Variants in NBEAL1 observed in about 807,000 individuals in gnomAD.
NBEAL1 encodes the protein neurobeachin like 1.
In NBEAL1, 273 loss-of-function variants were observed where a neutral mutation model predicts 351.3. That is an observed-to-expected ratio of 0.78 (90% CI 0.70 to 0.86). The LOEUF (loss-of-function observed/expected upper bound fraction) is 0.86, where lower values mean the gene tolerates loss of function less well. NBEAL1 is among the 40% of genes least tolerant of loss of function. The pLI is 0.00. For missense variants in NBEAL1, 2,961 were observed against 3,201.3 expected, an observed-to-expected ratio of 0.92 and a Z score of 1.81; for synonymous variants, 1,050 against 1,086.4, an observed-to-expected ratio of 0.97 and a Z score of 0.66.
At chr2:203,214,561 G>A (rs1480948198) in intron 55 of NBEAL1, among the ~76,000 whole-genome samples, 1 of 152,144 alleles carries the variant, frequency 6.6e-6, no homozygotes, top group Admixed American at 6.5e-5. Flanking sequence ...GATCACTTGA[G>A]GTCAGGAGTT....
In NBEAL1 at chr2:203,130,413, C is replaced by T; in HGVS notation, c.3501C>T (p.Asp1167=). Residue 1167 remains aspartate (D), a synonymous_variant, in exon 25 of 56, where the codon GAC becomes GAT. Coordinates refer to ENST00000683969, the MANE Select transcript of NBEAL1 (RefSeq NM_001378026.1). ...TGCTTTTTGAACCAGGAAATGCTGA[C>T]ATACTGTACGCATTGCTCTTAAATC... is the stretch of plus-strand genomic sequence containing the variant. ...FLLLFEPGNA[D]ILYALLLNQK... The T allele has an allele frequency of 6.5e-7, 1 of 1,527,982 alleles. No homozygotes were observed. Among genetic ancestry groups the T allele is most frequent in the Non-Finnish European group, 8.8e-7 (1 of 1,138,650 alleles). 94.7% of individuals were successfully genotyped at this position (1,527,982 alleles called of 1,614,324 possible).
intron 2 of NBEAL1, among the ~76,000 whole-genome samples, chr2:203,017,585 A>G (rs1037995255): frequency 1.3e-5 from 2 of 152,270 alleles, no homozygotes; most frequent in Non-Finnish European, 2.9e-5. Context: ...TAACACGTTA[A>G]CCAAAAATTA....
In NBEAL1 at chr2:203,217,556, TG is replaced by T. The variant is rs2065910618; in HGVS notation, c.*203del. The T allele has an allele frequency of 1.3e-5, 15 of 1,176,534 alleles. 1 individual carries two copies. Among genetic ancestry groups the T allele is most frequent in the African/African-American group, 4.8e-5 (3 of 63,152 alleles). The allele number at this position is 1,176,534 out of a possible 1,614,324, so 72.9% of individuals were successfully genotyped here. On this transcript the variant is annotated 3_prime_UTR_variant, in exon 56 of 56. Coordinates refer to ENST00000683969, the MANE Select transcript of NBEAL1 (RefSeq NM_001378026.1). ...TGAGAAAATACATTTGATTTGATTT[TG>T]TGGCCCATTCCTAAAGGTCATTGTA... is the stretch of plus-strand genomic sequence containing the variant.
In NBEAL1 at chr2:203,220,129, G is replaced by C. The variant is rs1348988680; in HGVS notation, c.*2775G>C. ...AATGGGAGAAATGAACAGTATCATT[G>C]GAATGAAATAACAGGTGGACATTTC... On this transcript the variant is annotated 3_prime_UTR_variant, in exon 56 of 56. Transcript: ENST00000683969. Among the ~76,000 whole-genome samples, 1 of 152,140 alleles carries C rather than the reference G, an allele frequency of 6.6e-6. No homozygotes were observed. The highest frequency in any genetic ancestry group is 1.5e-5 in the Non-Finnish European group (1 of 68,026).
chr2:203,179,293 C>T (rs138982333), intron 42 of NBEAL1, among the ~76,000 whole-genome samples: 2,913 of 152,236 alleles, frequency 0.019, 41 homozygotes, highest in Non-Finnish European at 0.027. Flanking sequence ...GACGCAGTGC[C>T]CATGATTAAA....
intron 16 of NBEAL1, among the ~76,000 whole-genome samples, chr2:203,112,551 G>A (rs1403373446): frequency 6.6e-6 from 1 of 152,142 alleles, no homozygotes; most frequent in African/African-American, 2.4e-5. Context: ...AAGAACACTA[G>A]AGGGCCTTTT....
chr2:203,084,705 A>G (rs762526004), intron 10 of NBEAL1, 136 bp downstream of exon 10: 21 of 475,022 alleles, frequency 4.4e-5, no homozygotes, highest in Non-Finnish European at 6.7e-5. Context: ...ACCAAGTTTT[A>G]TCTTGAATTG....
intron 42 of NBEAL1, among the ~76,000 whole-genome samples, chr2:203,178,217 T>G (rs2064581797): frequency 6.7e-6 from 1 of 149,372 alleles, no homozygotes; most frequent in African/African-American, 2.5e-5. Context: ...CAGGCTGGAG[T>G]ACAGTGGCTC....
chr2:203,119,437 T>TTTTTTG (rs1239998983), intron 18 of NBEAL1, among the ~76,000 whole-genome samples: 1 of 131,146 alleles, frequency 7.6e-6, no homozygotes, highest in Non-Finnish European at 1.6e-5. Context: ...TTTTTTTTTT[T>TTTTTTG]TTTTTTTGAG....
rs1037243928 is a variant in NBEAL1, at chr2:203,158,255, CAT to C, written c.5714+432_5714+433del. On this transcript the variant is annotated intron_variant, in intron 36 of 55. Coordinates refer to ENST00000683969, the MANE Select transcript of NBEAL1 (RefSeq NM_001378026.1). ...AAACAAGCAAACAAAAAGCAAAAAA[CAT>C]AAACCTCTAGCCAGACTGATTAAAA... is the stretch of plus-strand genomic sequence containing the variant. 5.3e-5 allele frequency among the ~76,000 whole-genome samples: 8 copies of C among 152,152 alleles called. No individual in the cohort carries two copies. The South Asian group carries it at 8.3e-4, about 16-fold the overall frequency.
At chr2:203,101,848 G>T (rs576540895) in intron 12 of NBEAL1, among the ~76,000 whole-genome samples, 1 of 152,196 alleles carries the variant, frequency 6.6e-6, no homozygotes, top group African/African-American at 2.4e-5. Context: ...TGCCCACCTC[G>T]GCCTCCTAAA....
In NBEAL1 at chr2:203,224,338, G is replaced by C. The variant is rs984750468; in HGVS notation, c.*6984G>C. 3.9e-5 allele frequency among the ~76,000 whole-genome samples: 6 copies of C among 151,950 alleles called. No homozygotes were observed. The highest frequency in any genetic ancestry group is 1.4e-4 in the African/African-American group (6 of 41,394). On this transcript the variant is annotated 3_prime_UTR_variant, in exon 56 of 56. Transcript: ENST00000683969. ...CATTTAGAAACTCTTAACAGGTATG[G>C]CTTTCATTCCTCCAGTTGTTTGCTT...
At chr2:203,188,243 CAT>C (rs1375466089) in intron 44 of NBEAL1, among the ~76,000 whole-genome samples, 5 of 151,940 alleles carry the variant, frequency 3.3e-5, no homozygotes, top group Admixed American at 1.3e-4. Context: ...TTAGGAAATG[CAT>C]ATGTTAATAT....
chr2:203,042,117 A>G (rs577900203), intron 3 of NBEAL1, among the ~76,000 whole-genome samples: 34 of 152,372 alleles, frequency 2.2e-4, no homozygotes, highest in African/African-American at 7.9e-4. Flanking sequence ...ACTAACTACC[A>G]GATCCCACAA....
chr2:203,197,578 G>A (rs1207867361), intron 48 of NBEAL1, among the ~76,000 whole-genome samples, 187 bp downstream of exon 48: 1 of 152,084 alleles, frequency 6.6e-6, no homozygotes, highest in Non-Finnish European at 1.5e-5. Flanking sequence ...AGACTAGCCT[G>A]GGCAACATTT....
chr2:203,072,798 A>G (rs2061704661), intron 7 of NBEAL1, among the ~76,000 whole-genome samples: 1 of 152,116 alleles, frequency 6.6e-6, no homozygotes, highest in Non-Finnish European at 1.5e-5. Context: ...GCCTCTACCC[A>G]TTACCCAGTT....
In NBEAL1 at chr2:203,167,249, G is replaced by C; in HGVS notation, c.5886G>C (p.Trp1962Cys). Residue 1962 changes from tryptophan (W) to cysteine (C), a missense_variant, in exon 38 of 56, where the codon TGG becomes TGC. Physicochemically the swap from Trp to Cys is radical, Grantham distance 215. Coordinates refer to ENST00000683969, the MANE Select transcript of NBEAL1 (RefSeq NM_001378026.1). ...KEDGVGFDFK[W>C]PHSQIREIHL... ...CAGGAGTAGGCTTTGATTTCAAGTGGCCTCATTCTCAAATTCGAGAGATTC... is the reference window on the plus strand; with the variant it reads ...CAGGAGTAGGCTTTGATTTCAAGTGCCCTCATTCTCAAATTCGAGAGATTC... The C allele has an allele frequency of 6.2e-7, 1 of 1,611,064 alleles. No individual in the cohort carries two copies. Among genetic ancestry groups the C allele is most frequent in the East Asian group, 2.2e-5 (1 of 44,706 alleles).
At chr2:203,190,517 G>C (rs978496002) in intron 46 of NBEAL1, 128 bp downstream of exon 46, 102 of 767,338 alleles carry the variant, frequency 1.3e-4, no homozygotes, top group Non-Finnish European at 1.9e-4. Context: ...ATTTCTGTTT[G>C]CTCAGAAAGT....
chr2:203,103,140 G>A (rs186061630), intron 12 of NBEAL1, among the ~76,000 whole-genome samples: 3 of 152,098 alleles, frequency 2.0e-5, no homozygotes, highest in African/African-American at 7.2e-5. Flanking sequence ...ATCCTGTGGG[G>A]TCAGTAGTAA....
Sources: allele counts gnomAD v4.1 joint callset (sites outside exome capture counted in the v4.1 genomes callset), GRCh38; gene constraint gnomAD v4.1.1; transcripts MANE v1.5; gene names NCBI Gene and HGNC (gene_info 2026-07-23, HGNC 2026-07-21).